PLEKHA6: variants seen among roughly 807,000 people sequenced by gnomAD.
PLEKHA6 encodes the protein pleckstrin homology domain-containing family A member 6.
PLEKHA6 carries 60 observed loss-of-function variants against 116.7 expected under a neutral mutation model. The observed-to-expected ratio is 0.51, with a 90% CI of 0.42 to 0.64. The LOEUF (loss-of-function observed/expected upper bound fraction) is 0.64. PLEKHA6 is among the 30% of genes least tolerant of loss of function. The pLI, the probability that PLEKHA6 is intolerant of heterozygous loss-of-function variation, is 0.00. For missense variants in PLEKHA6, 1,338 were observed against 1,422.7 expected (o/e 0.94, Z 0.96); for synonymous variants, 489 against 556.1 (o/e 0.88, Z 1.70).
At chr1:204,275,704 T>G in intron 1 of PLEKHA6, 2 of 985,230 alleles carry the variant, frequency 2.0e-6, no homozygotes, top group South Asian at 4.7e-5. Context: ...GAGGGGCTGA[T>G]GCAGCGGTCT....
At chr1:204,334,633 T>C (rs1672576814) in intron 1 of PLEKHA6, among the ~76,000 whole-genome samples, 1 of 152,202 alleles carries the variant, frequency 6.6e-6, no homozygotes, top group South Asian at 2.1e-4. Context: ...AGTGGGTGGT[T>C]CATGCCTGTC....
chr1:204,239,620 C>T (rs186480174), intron 17 of PLEKHA6, among the ~76,000 whole-genome samples: 1 of 152,308 alleles, frequency 6.6e-6, no homozygotes, highest in African/African-American at 2.4e-5. Context: ...GCAGTGGGCT[C>T]ATGCTCATGG....
intron 1 of PLEKHA6, among the ~76,000 whole-genome samples, chr1:204,283,847 G>A (rs1668894602): frequency 6.6e-6 from 1 of 152,220 alleles, no homozygotes; most frequent in Non-Finnish European, 1.5e-5. Context: ...GGATGTAGGG[G>A]CATGGAAGGG....
intron 1 of PLEKHA6, among the ~76,000 whole-genome samples, chr1:204,281,397 C>A (rs1355458859): frequency 6.6e-6 from 1 of 151,798 alleles, no homozygotes; most frequent in African/African-American, 2.4e-5. Context: ...TGGTGGCGGG[C>A]ACCTGTAGTC....
Position 204,285,859 on chromosome 1 carries a change from C to G in PLEKHA6, c.-94-11050G>C, listed in dbSNP as rs1038428639. On this transcript the variant is annotated intron_variant, in intron 1 of 22. Transcript: ENST00000272203. ...AGAGTTGGGGAGGAGGCTGGAGACA[C>G]AGAGGACCTGTTCCTCCCTCCTGCT... Among the ~76,000 whole-genome samples, 10 of 152,304 alleles carry G rather than the reference C, an allele frequency of 6.6e-5. No individual in the cohort carries two copies. The South Asian group carries it at 1.7e-3, about 25-fold the overall frequency.
chr1:204,348,685 G>A lies in PLEKHA6; in HGVS notation c.-95+11009C>T, dbSNP rs149708992. Among the ~76,000 whole-genome samples, 26 of 151,566 alleles carry A rather than the reference G, an allele frequency of 1.7e-4. No homozygotes were observed. In the East Asian group the frequency reaches 3.7e-3, roughly 22 times the overall value. On this transcript the variant is annotated intron_variant, in intron 1 of 22. Coordinates refer to ENST00000272203, the MANE Select transcript of PLEKHA6 (RefSeq NM_014935.5). ...GCCACTCGCGCCCCTCTTGCTTCAGGCACTCCCAACTCAGCCCCCAGGTGC... is the reference window on the plus strand; with the variant it reads ...GCCACTCGCGCCCCTCTTGCTTCAGACACTCCCAACTCAGCCCCCAGGTGC...
In PLEKHA6 at chr1:204,238,161, A is replaced by G. The variant is rs1485109609; in HGVS notation, c.2409+3214T>C. The stretch of plus-strand genomic sequence containing the variant: ...TTATCAAGTGACCTGAAAGGCTGCC[A>G]ATTTTGAGTGGGGTCCAGAATGGGA... On this transcript the variant is annotated intron_variant, in intron 17 of 22. Transcript: ENST00000272203. This position sits in a 1 kb window ranked among gnomAD's most constrained non-coding sequence, Gnocchi z 4.2. 6.6e-6 allele frequency among the ~76,000 whole-genome samples: 1 copy of G among 152,144 alleles called. No individual in the cohort carries two copies. The highest frequency in any genetic ancestry group is 1.5e-5 in the Non-Finnish European group (1 of 68,016).
At chr1:204,225,951 C>T (rs528137454) in intron 21 of PLEKHA6, among the ~76,000 whole-genome samples, 53 of 152,346 alleles carry the variant, frequency 3.5e-4, no homozygotes, top group Middle Eastern at 3.4e-3. Flanking sequence ...TGAGTCTGCA[C>T]GCACCGGGTG....
intron 1 of PLEKHA6, among the ~76,000 whole-genome samples, chr1:204,276,274 C>T (rs1667993944): frequency 6.6e-6 from 1 of 152,274 alleles, no homozygotes; most frequent in South Asian, 2.1e-4. Flanking sequence ...AAAAACCAGG[C>T]GCGTGTCCAC....
intron 1 of PLEKHA6, among the ~76,000 whole-genome samples, chr1:204,349,365 C>T (rs983253860): frequency 6.6e-6 from 1 of 152,004 alleles, no homozygotes; most frequent in African/African-American, 2.4e-5. Context: ...ATGGCGAAAC[C>T]CCGTCTCTAC....
intron 1 of PLEKHA6, among the ~76,000 whole-genome samples, chr1:204,334,541 G>C (rs1033191519): frequency 6.6e-6 from 1 of 152,162 alleles, no homozygotes; most frequent in East Asian, 1.9e-4. Flanking sequence ...GATCAAACTA[G>C]GCTAATTAAT....
At chr1:204,323,086 G>A (rs1054294476) in intron 1 of PLEKHA6, among the ~76,000 whole-genome samples, 1 of 152,228 alleles carries the variant, frequency 6.6e-6, no homozygotes, top group East Asian at 1.9e-4. Flanking sequence ...TTTGCTAAGG[G>A]TCTACAGCTA....
intron 1 of PLEKHA6, among the ~76,000 whole-genome samples, chr1:204,333,015 C>G (rs1236765473): frequency 6.6e-6 from 1 of 152,292 alleles, no homozygotes; most frequent in South Asian, 2.1e-4. Flanking sequence ...GAGGAGGAGG[C>G]AGGTTTCTGT....
intron 21 of PLEKHA6, among the ~76,000 whole-genome samples, chr1:204,226,040 G>A (rs937529440): frequency 2.6e-5 from 4 of 152,172 alleles, no homozygotes; most frequent in Admixed American, 2.0e-4. Context: ...AACTCTACTC[G>A]CTGCACCCGC....
chr1:204,279,950 G>A (rs891178857), intron 1 of PLEKHA6, among the ~76,000 whole-genome samples: 1 of 152,166 alleles, frequency 6.6e-6, no homozygotes, highest in Non-Finnish European at 1.5e-5. Context: ...TAATGGCTAT[G>A]ATCATTCTAC....
chr1:204,272,082 C>T (rs534783372), intron 3 of PLEKHA6, among the ~76,000 whole-genome samples: 4 of 152,210 alleles, frequency 2.6e-5, no homozygotes, highest in Admixed American at 6.5e-5. Context: ...ACATGTATCA[C>T]GTATTTTCAA....
rs560063111 is a variant in PLEKHA6, at chr1:204,221,443, G to A, written c.*1345C>T. The A allele has an allele frequency of 6.5e-6, 1 of 152,730 alleles. No individual in the cohort carries two copies. The highest frequency in any genetic ancestry group is 6.5e-5 in the Admixed American group (1 of 15,300). 9.5% of individuals were successfully genotyped at this position (152,730 alleles called of 1,614,324 possible). On this transcript the variant is annotated 3_prime_UTR_variant, in exon 23 of 23. Coordinates refer to ENST00000272203, the MANE Select transcript of PLEKHA6 (RefSeq NM_014935.5). Reference sequence around the variant, plus strand: ...TCTCCAGGTGGGTGGAGCTGAGGAGGAATGCGTTTGCTTTTCTCTGTCTTC... The same window carrying A: ...TCTCCAGGTGGGTGGAGCTGAGGAGAAATGCGTTTGCTTTTCTCTGTCTTC...
intron 1 of PLEKHA6, 34 bp from the exon 2 acceptor site, chr1:204,274,843 G>C: frequency 2.0e-6 from 2 of 985,946 alleles, no homozygotes. Flanking sequence ...TTGTGGTAAA[G>C]ATGAAGAAGG....
chr1:204,301,274 GCA>G, intron 1 of PLEKHA6: 1 of 979,706 alleles, frequency 1.0e-6, no homozygotes, highest in East Asian at 1.1e-4. Flanking sequence ...GCGAGTCAAA[GCA>G]CTTGCCTCAT....
Sources: gnomAD v4.1 joint callset for allele counts (sites outside exome capture counted in the v4.1 genomes callset) on GRCh38, gnomAD v4.1.1 for gene constraint, Gnocchi (gnomAD v3.1) non-coding constraint, MANE v1.5 for transcripts, NCBI Gene and HGNC (gene_info 2026-07-23, HGNC 2026-07-21) for gene names.